The following MTREX variants were observed in gnomAD, a reference collection of about 807,000 sequenced individuals.
The protein encoded by MTREX is exosome RNA helicase MTR4.
Under a neutral mutation model 135.4 loss-of-function variants are expected in MTREX, and 76 were observed. That is an observed-to-expected ratio of 0.56 (90% CI 0.47 to 0.68). The LOEUF is 0.68. Among genes scored for constraint, MTREX ranks in the 30% least tolerant of loss-of-function variants. MTREX has a pLI of 0.00. For missense variants in MTREX, 920 were observed against 1,262.1 expected (o/e 0.73, Z 4.11); for synonymous variants, 404 against 401.6 (o/e 1.01, Z -0.07).
intron 16 of MTREX, among the ~76,000 whole-genome samples, chr5:55,367,377 T>C (rs1750121803): frequency 6.6e-6 from 1 of 151,890 alleles, no homozygotes; most frequent in African/African-American, 2.4e-5. Context: ...TCCCAGCTAC[T>C]TGGGAGGCTG....
At chr5:55,376,367 A>G (rs914182163) in intron 16 of MTREX, among the ~76,000 whole-genome samples, 1 of 152,298 alleles carries the variant, frequency 6.6e-6, no homozygotes, top group East Asian at 1.9e-4. Flanking sequence ...CAAATAACAG[A>G]CTGTCTTAAA....
intron 22 of MTREX, among the ~76,000 whole-genome samples, chr5:55,409,718 G>A (rs2111611218): frequency 6.6e-6 from 1 of 152,318 alleles, no homozygotes; most frequent in Non-Finnish European, 1.5e-5. Context: ...CATTTTGACA[G>A]TGCAAGTGCA....
At chr5:55,339,979 G>A (rs1458723421) in intron 5 of MTREX, 31 bp from the exon 6 acceptor site, 1 of 1,423,100 alleles carries the variant, frequency 7.0e-7, no homozygotes, top group African/African-American at 1.5e-5. Context: ...TAAAGGAAAA[G>A]TTGTATGATT....
Position 55,397,440 on chromosome 5 carries a change from C to T in MTREX, c.2206C>T (p.Leu736=), listed in dbSNP as rs1407220210. 6 of 1,609,444 alleles carry T rather than the reference C, an allele frequency of 3.7e-6. No homozygotes were observed. In the South Asian group the frequency reaches 5.5e-5, roughly 15 times the overall value. The part of the protein sequence containing the change: ...MQVVPVLVHL[L]SAISSVRLYI... The stretch of plus-strand genomic sequence containing the variant: ...GGTTGTCCCAGTTTTGGTGCATCTC[C>T]TGTCTGCTATCAGCAGTGTTAGGCT... Residue 736 remains leucine, a synonymous_variant, in exon 20 of 27, where the codon CTG becomes TTG. Transcript: ENST00000230640.
At chr5:55,334,474 A>G (rs1056586611) in intron 5 of MTREX, among the ~76,000 whole-genome samples, 1 of 152,178 alleles carries the variant, frequency 6.6e-6, no homozygotes, top group South Asian at 2.1e-4. Flanking sequence ...GCAGGGTGCA[A>G]CATTTTATTT....
intron 16 of MTREX, among the ~76,000 whole-genome samples, chr5:55,371,584 A>C (rs964736986): frequency 6.6e-6 from 1 of 152,132 alleles, no homozygotes; most frequent in Non-Finnish European, 1.5e-5. Flanking sequence ...AGCTTCTTAT[A>C]CTAAAGTTCC....
intron 19 of MTREX, among the ~76,000 whole-genome samples, chr5:55,395,454 A>C (rs912528669): frequency 6.6e-6 from 1 of 152,150 alleles, no homozygotes; most frequent in African/African-American, 2.4e-5. Context: ...AGTCACCATT[A>C]GGCAACTACC....
At chr5:55,400,823 T>G (rs1296956479) in intron 21 of MTREX, among the ~76,000 whole-genome samples, 1 of 152,156 alleles carries the variant, frequency 6.6e-6, no homozygotes, top group Non-Finnish European at 1.5e-5. Flanking sequence ...ACTCTCTGTT[T>G]CTCCCATCCT....
intron 11 of MTREX, among the ~76,000 whole-genome samples, chr5:55,349,127 T>A (rs963692005): frequency 2.2e-4 from 33 of 152,218 alleles, no homozygotes; most frequent in Middle Eastern, 6.8e-3. Flanking sequence ...GTAATTTTTA[T>A]CTACTTTCTG....
intron 16 of MTREX, among the ~76,000 whole-genome samples, chr5:55,373,696 A>C (rs556813649): frequency 7.2e-5 from 11 of 152,116 alleles, no homozygotes; most frequent in Non-Finnish European, 1.6e-4. Context: ...TGGAGGCCCT[A>C]ACTGGTGACT....
intron 19 of MTREX, among the ~76,000 whole-genome samples, chr5:55,394,821 T>C (rs1750622906): frequency 6.6e-6 from 1 of 151,758 alleles, no homozygotes; most frequent in Admixed American, 6.6e-5. Flanking sequence ...TCACCTGAGG[T>C]CAGGAGTTTA....
At chr5:55,313,297 GGGTC>G (rs1320037260) in intron 1 of MTREX, among the ~76,000 whole-genome samples, 2 of 151,376 alleles carry the variant, frequency 1.3e-5, no homozygotes, top group African/African-American at 4.9e-5. Flanking sequence ...AAAATTAGCT[GGGTC>G]TTGTGGCATG....
chr5:55,365,305 C>T (rs909348557), intron 15 of MTREX, among the ~76,000 whole-genome samples: 8 of 152,108 alleles, frequency 5.3e-5, no homozygotes, highest in Non-Finnish European at 1.2e-4. Context: ...TTCACCACTC[C>T]TTTTGGCCCT....
chr5:55,369,883 C>T (rs1471784025), intron 16 of MTREX, among the ~76,000 whole-genome samples: 1 of 151,356 alleles, frequency 6.6e-6, no homozygotes, highest in Non-Finnish European at 1.5e-5. Flanking sequence ...TCTAGCCGCT[C>T]TTCTAATTCA....
In MTREX at chr5:55,414,249, T is replaced by G. The variant is rs1488929216; in HGVS notation, c.2808+11T>G. The stretch of plus-strand genomic sequence containing the variant: ...CTTCGTCAAATGCAGGTAAGGTTTT[T>G]TTTTTTTTTTTTTGAACTACATATT... On this transcript the variant is annotated intron_variant, in intron 24 of 26. Coordinates refer to ENST00000230640, the MANE Select transcript of MTREX (RefSeq NM_015360.5). 5.2e-6 allele frequency: 8 copies of G among 1,551,272 alleles called. No homozygotes were observed. Among genetic ancestry groups the G allele is most frequent in the East Asian group, 2.3e-5 (1 of 43,800 alleles).
In MTREX at chr5:55,424,829, G is replaced by A. The variant is rs1340056220; in HGVS notation, c.*57G>A. The A allele has an allele frequency of 8.2e-7, 1 of 1,221,462 alleles. No individual in the cohort carries two copies. The highest frequency in any genetic ancestry group is 1.2e-5 in the South Asian group (1 of 81,758). 75.7% of individuals were successfully genotyped at this position (1,221,462 alleles called of 1,614,324 possible). A position where few individuals can be genotyped will look rare whatever the true frequency, so the allele number is the denominator to read the frequency against. On this transcript the variant is annotated 3_prime_UTR_variant, in exon 27 of 27. Transcript: ENST00000230640. ...ATTGACCACCTGTTTGATTACAGTT[G>A]ACTACAAATGCCTGCAAGTGTGGAT...
intron 21 of MTREX, among the ~76,000 whole-genome samples, chr5:55,402,261 C>T (rs559975442): frequency 6.6e-6 from 1 of 152,324 alleles, no homozygotes; most frequent in African/African-American, 2.4e-5. Context: ...AGGTACTTCT[C>T]AAGATGAGGA....
Position 55,309,198 on chromosome 5 carries a change from C to G in MTREX, c.134+1051C>G, listed in dbSNP as rs768013854. On this transcript the variant is annotated intron_variant, in intron 1 of 26. Coordinates refer to ENST00000230640, the MANE Select transcript of MTREX (RefSeq NM_015360.5). ...ATAAATTGAGCAAGAGGAACTGTTTCATTTAGGGACTACAAGAGATAAGAC... is the reference window on the plus strand; with the variant it reads ...ATAAATTGAGCAAGAGGAACTGTTTGATTTAGGGACTACAAGAGATAAGAC... Among the ~76,000 whole-genome samples, 28 of 152,034 alleles carry G rather than the reference C, an allele frequency of 1.8e-4. 1 individual carries two copies. The highest frequency in any genetic ancestry group is 1.6e-3 in the Admixed American group (25 of 15,262).
intron 5 of MTREX, among the ~76,000 whole-genome samples, chr5:55,335,301 A>G (rs1579854908): frequency 6.6e-6 from 1 of 152,006 alleles, no homozygotes; most frequent in Admixed American, 6.6e-5. Flanking sequence ...AAAGCATTTT[A>G]ATTTAAATGT....
Sources: gnomAD v4.1 joint callset for allele counts (sites outside exome capture counted in the v4.1 genomes callset) on GRCh38, gnomAD v4.1.1 for gene constraint, MANE v1.5 for transcripts, NCBI Gene and HGNC (gene_info 2026-07-23, HGNC 2026-07-21) for gene names.